Variants in APBA1 observed in about 807,000 individuals in gnomAD.
The protein encoded by APBA1 is amyloid beta precursor protein binding family A member 1, also known as amyloid-beta A4 precursor protein-binding family A member 1.
A neutral mutation model predicts 86.6 loss-of-function variants in APBA1; 55 were observed. The ratio of observed to expected loss-of-function variants is 0.64; its 90% CI spans 0.51 to 0.80. The LOEUF (loss-of-function observed/expected upper bound fraction) is 0.80. APBA1 is among the 30% of genes least tolerant of loss of function. The pLI is 0.00. For synonymous variants in APBA1, 511 were observed against 493.9 expected (o/e 1.03, Z -0.46); for missense variants, 1,090 against 1,183.0 (o/e 0.92, Z 1.15).
chr9:69,653,252 A>G (rs1452424152), intron 1 of APBA1, among the ~76,000 whole-genome samples: 1 of 152,196 alleles, frequency 6.6e-6, no homozygotes, highest in African/African-American at 2.4e-5. Flanking sequence ...GTACAGCAAG[A>G]GGATATAACA....
chr9:69,525,539 A>C (rs1376553717), intron 1 of APBA1, among the ~76,000 whole-genome samples: 1 of 151,588 alleles, frequency 6.6e-6, no homozygotes, highest in East Asian at 1.9e-4. Context: ...AGAGAATAAC[A>C]ATCTCTACAA....
intron 1 of APBA1, among the ~76,000 whole-genome samples, chr9:69,618,211 C>T (rs1822743123): frequency 1.3e-5 from 2 of 152,174 alleles, no homozygotes; most frequent in Non-Finnish European, 2.9e-5. Flanking sequence ...CTGGTAAACA[C>T]ACACAATAGA....
At chr9:69,497,410 G>A (rs923721861) in intron 2 of APBA1, among the ~76,000 whole-genome samples, 5 of 151,898 alleles carry the variant, frequency 3.3e-5, no homozygotes, top group African/African-American at 9.7e-5. Flanking sequence ...TGGCACACAG[G>A]GAAATGTTAA....
intron 1 of APBA1, among the ~76,000 whole-genome samples, chr9:69,610,700 A>G (rs942519820): frequency 2.0e-5 from 3 of 152,178 alleles, no homozygotes; most frequent in Non-Finnish European, 4.4e-5. Flanking sequence ...ATCATCTAAA[A>G]CACTGGTCCA....
intron 1 of APBA1, among the ~76,000 whole-genome samples, chr9:69,528,988 C>G (rs1378050406): frequency 6.6e-6 from 1 of 151,956 alleles, no homozygotes; most frequent in East Asian, 1.9e-4. Flanking sequence ...TTATTTGGCT[C>G]ATTAAAAGTC....
chr9:69,667,760 CTCTTT>C (rs993228565), intron 1 of APBA1, among the ~76,000 whole-genome samples: 1 of 151,910 alleles, frequency 6.6e-6, no homozygotes, highest in South Asian at 2.1e-4. Flanking sequence ...CTCTCTCCTT[CTCTTT>C]TATCTCCCAA....
chr9:69,437,370 A>T (rs1258677387), intron 11 of APBA1, among the ~76,000 whole-genome samples: 5 of 147,010 alleles, frequency 3.4e-5, no homozygotes, highest in African/African-American at 1.3e-4. Flanking sequence ...TCCTCCTTGT[A>T]CCTCTGGTAG....
At chr9:69,523,489 A>ATATATG (rs1836290071) in intron 1 of APBA1, among the ~76,000 whole-genome samples, 3 of 13,004 alleles carry the variant, frequency 2.3e-4, no homozygotes, top group African/African-American at 5.0e-4. Flanking sequence ...ATATATATAT[A>ATATATG]TATATATGTA....
intron 2 of APBA1, among the ~76,000 whole-genome samples, chr9:69,489,089 C>G (rs1298781161): frequency 6.6e-6 from 1 of 152,088 alleles, no homozygotes; most frequent in Non-Finnish European, 1.5e-5. Flanking sequence ...CCAACCCCAT[C>G]AAGCTACCAA....
chr9:69,448,144 C>T (rs532509089), intron 10 of APBA1, among the ~76,000 whole-genome samples: 1 of 152,324 alleles, frequency 6.6e-6, no homozygotes, highest in Admixed American at 6.5e-5. Context: ...TTCCAAACGC[C>T]ACTTCCCTTT....
chr9:69,579,409 T>C (rs1821870843), intron 1 of APBA1, among the ~76,000 whole-genome samples: 1 of 152,218 alleles, frequency 6.6e-6, no homozygotes, highest in East Asian at 1.9e-4. Context: ...TATGCGGACT[T>C]TAACTATAGG....
At chr9:69,441,335 C>G (rs1834820485) in intron 10 of APBA1, among the ~76,000 whole-genome samples, 1 of 152,180 alleles carries the variant, frequency 6.6e-6, no homozygotes, top group Non-Finnish European at 1.5e-5. Flanking sequence ...GCCCTCTTAG[C>G]CCACGCACAG....
chr9:69,571,353 T>G (rs886250246), intron 1 of APBA1, among the ~76,000 whole-genome samples: 1 of 152,252 alleles, frequency 6.6e-6, no homozygotes, highest in Non-Finnish European at 1.5e-5. Context: ...TTTATCCATT[T>G]AAATAATTAT....
intron 1 of APBA1, among the ~76,000 whole-genome samples, chr9:69,606,402 C>A (rs951748604): frequency 6.7e-6 from 1 of 148,716 alleles, no homozygotes; most frequent in East Asian, 2.0e-4. Flanking sequence ...TTTATTGTAT[C>A]GCCTACTTTT....
intron 1 of APBA1, among the ~76,000 whole-genome samples, chr9:69,595,044 T>C (rs941145208): frequency 3.3e-5 from 5 of 152,168 alleles, no homozygotes; most frequent in Non-Finnish European, 7.3e-5. Flanking sequence ...ATATAAACTA[T>C]TATAAATATT....
chr9:69,488,356 A>G (rs919364660), intron 2 of APBA1, among the ~76,000 whole-genome samples: 1 of 152,138 alleles, frequency 6.6e-6, no homozygotes, highest in African/African-American at 2.4e-5. Context: ...GATCAATACT[A>G]TGTCATATAA....
intron 1 of APBA1, among the ~76,000 whole-genome samples, chr9:69,654,999 T>G (rs1367886340): frequency 1.3e-5 from 2 of 152,166 alleles, no homozygotes; most frequent in African/African-American, 4.8e-5. Context: ...TTTGATAAAA[T>G]GTAACATCCT....
rs548998794 is a variant in APBA1 at position 69,600,234 on chromosome 9, T to C, written c.-70+71919A>G. Among the ~76,000 whole-genome samples, 4 of 152,274 alleles carry C rather than the reference T, an allele frequency of 2.6e-5. No homozygotes were observed. In the South Asian group the frequency reaches 8.3e-4, roughly 32 times the overall value. The stretch of plus-strand genomic sequence containing the variant: ...GCATAGGCTGTGGCCAAAAACAATT[T>C]CCGCTGACTATGGTGATGGCGATTC... On this transcript the variant is annotated intron_variant, in intron 1 of 12. Coordinates refer to ENST00000265381, the MANE Select transcript of APBA1 (RefSeq NM_001163.4).
At chr9:69,482,176 G>A (rs1257544756) in intron 2 of APBA1, among the ~76,000 whole-genome samples, 1 of 151,924 alleles carries the variant, frequency 6.6e-6, no homozygotes, top group Non-Finnish European at 1.5e-5. Context: ...CCATCAGAGT[G>A]AACAGGCAAC....
Sources: gnomAD v4.1 joint callset for allele counts (sites outside exome capture counted in the v4.1 genomes callset) on GRCh38, gnomAD v4.1.1 for gene constraint, MANE v1.5 for transcripts, NCBI Gene and HGNC (gene_info 2026-07-23, HGNC 2026-07-21) for gene names.